LARS1: variants seen among roughly 807,000 people sequenced by gnomAD.
LARS1 encodes leucyl-tRNA synthetase 1, also known as leucine--tRNA ligase, cytoplasmic.
LARS1 carries 100 observed loss-of-function variants against 162.8 expected under a neutral mutation model. The observed-to-expected ratio is 0.61, with a 90% CI of 0.52 to 0.73. The LOEUF is 0.73. Ranked by LOEUF, LARS1 falls within the 30% of genes least tolerant of loss-of-function variation. LARS1 has a pLI of 0.00. For synonymous variants in LARS1, 457 were observed against 462.8 expected, an observed-to-expected ratio of 0.99 and a Z score of 0.16; for missense variants, 1,258 against 1,408.9, an observed-to-expected ratio of 0.89 and a Z score of 1.71.
chr5:146,151,527 TAA>T lies in LARS1; in HGVS notation c.1425+333_1425+334del, dbSNP rs373303900. 2.2e-4 allele frequency among the ~76,000 whole-genome samples: 34 copies of T among 152,294 alleles called. No homozygotes were observed. In the East Asian group the frequency reaches 4.6e-3, roughly 21 times the overall value. On this transcript the variant is annotated intron_variant, in intron 14 of 31. Coordinates refer to ENST00000394434, the MANE Select transcript of LARS1 (RefSeq NM_020117.11). The stretch of plus-strand genomic sequence containing the variant: ...TTATCTAAAATATGAACTCCTTAAC[TAA>T]AAGAGCAAAAGAAGGGACCAGGTAT...
At position 146,138,706 on chromosome 5, in the gene LARS1, G is replaced by T. The variant is rs1199622722; in HGVS notation, c.2148+1498C>A. ...ATCGCATCACTGCATACCACCCTGG[G>T]CAACAGTATGAGACTCTGTCTCAAA... On this transcript the variant is annotated intron_variant, in intron 21 of 31. Transcript: ENST00000394434. 6 of 152,984 alleles carry T rather than the reference G, an allele frequency of 3.9e-5. 1 individual carries two copies. In the Admixed American group the frequency reaches 4.1e-4, roughly 10 times the overall value. 9.5% of individuals were successfully genotyped at this position (152,984 alleles called of 1,614,324 possible).
At position 146,128,979 on chromosome 5, in the gene LARS1, T is replaced by G; in HGVS notation, c.2768A>C (p.Lys923Thr). ...AAAAAAAAAACAAAAAAACTTTACC[T>G]TCCCTTTAGCTGGCATCATATAGTT... ...LKNYMMPAKGKKTDKQPLQKP... is the reference protein window; with the variant it reads ...LKNYMMPAKGTKTDKQPLQKP... Residue 923 changes from lysine to threonine, a missense_variant and splice_region_variant, in exon 26 of 32, where the codon AAG (lysine) becomes ACG (threonine). Transcript: ENST00000394434. 6.3e-7 allele frequency: 1 copy of G among 1,576,724 alleles called. No homozygotes were observed.
chr5:146,152,034 C>T (rs765989666), intron 13 of LARS1, 32 bp from the exon 14 acceptor site: 43 of 1,611,822 alleles, frequency 2.7e-5, no homozygotes, highest in Non-Finnish European at 3.5e-5. Flanking sequence ...AACGTGTTCA[C>T]ACTGACTGGA....
rs563467808 is a variant in LARS1, at chr5:146,156,205, G to C, written c.1065+1198C>G. On this transcript the variant is annotated intron_variant, in intron 10 of 31. Coordinates refer to ENST00000394434, the MANE Select transcript of LARS1 (RefSeq NM_020117.11). ...ACTACCTCTAGAATGGGGAACTTTTGTATCTTTTTGCGTTTTTTGAATTTT... is the reference window on the plus strand; with the variant it reads ...ACTACCTCTAGAATGGGGAACTTTTCTATCTTTTTGCGTTTTTTGAATTTT... Among the ~76,000 whole-genome samples the C allele has an allele frequency of 5.3e-5, 8 of 152,246 alleles. 1 individual carries two copies. The South Asian group carries it at 1.7e-3, about 32-fold the overall frequency.
chr5:146,127,943 AT>A (rs1386922307), intron 27 of LARS1, among the ~76,000 whole-genome samples: 1 of 152,108 alleles, frequency 6.6e-6, no homozygotes, highest in Non-Finnish European at 1.5e-5. Context: ...TCTTCTTTAC[AT>A]TTTGACCACA....
chr5:146,159,223 T>C (rs1232628970), intron 8 of LARS1, among the ~76,000 whole-genome samples, 184 bp downstream of exon 8: 2 of 152,194 alleles, frequency 1.3e-5, no homozygotes, highest in East Asian at 3.8e-4. Flanking sequence ...ACTCTTAGGA[T>C]AGCTAGGTAC....
At chr5:146,132,833 G>T in intron 23 of LARS1, 65 bp downstream of exon 23, 24 of 1,190,882 alleles carry the variant, frequency 2.0e-5, no homozygotes, top group Non-Finnish European at 2.7e-5. Context: ...AAAAGAAAAA[G>T]AAAACAAAAA....
intron 27 of LARS1, 100 bp from the exon 28 acceptor site, chr5:146,126,645 T>A: frequency 1.4e-6 from 1 of 731,740 alleles, no homozygotes. Flanking sequence ...CCTCTATCAA[T>A]CCTTAGAGAA....
intron 31 of LARS1, among the ~76,000 whole-genome samples, chr5:146,117,645 T>A (rs114729841): frequency 1.3e-5 from 2 of 152,136 alleles, no homozygotes; most frequent in Admixed American, 6.6e-5. Context: ...ATCCAGTGGG[T>A]CCACACACAT....
chr5:146,143,165 T>C (rs1752866749), intron 19 of LARS1, 81 bp from the exon 20 acceptor site: 1 of 855,764 alleles, frequency 1.2e-6, no homozygotes, highest in Non-Finnish European at 1.7e-6. Context: ...AATCGAAACA[T>C]GGATTAGGAA....
At chr5:146,180,662 T>G (rs1284822411) in intron 1 of LARS1, among the ~76,000 whole-genome samples, 1 of 152,248 alleles carries the variant, frequency 6.6e-6, no homozygotes, top group African/African-American at 2.4e-5. Flanking sequence ...TTGAGTTTTC[T>G]GTTTCTCAGA....
At chr5:146,133,806 C>T (rs1476853448) in intron 22 of LARS1, among the ~76,000 whole-genome samples, 1 of 151,516 alleles carries the variant, frequency 6.6e-6, no homozygotes, top group Non-Finnish European at 1.5e-5. Context: ...CTTAACAGTT[C>T]ATATTTGTAT....
At position 146,136,942 on chromosome 5, in the gene LARS1, G is replaced by A. The variant is rs114621499; in HGVS notation, c.2149-1278C>T. ...TGAGATGCAGTTTCACTCTTGTCGC[G>A]CAAGGCCTGAGTGCAATGGCACGTT... is the stretch of plus-strand genomic sequence containing the variant. On this transcript the variant is annotated intron_variant, in intron 21 of 31. Coordinates refer to ENST00000394434, the MANE Select transcript of LARS1 (RefSeq NM_020117.11). Among the ~76,000 whole-genome samples the A allele has an allele frequency of 6.0e-3, 915 of 151,904 alleles. 11 individuals are homozygous for A. The highest frequency in any genetic ancestry group is 0.021 in the African/African-American group (877 of 41,380).
At chr5:146,130,837 A>G (rs1752243829) in intron 24 of LARS1, 182 bp downstream of exon 24, 4 of 446,388 alleles carry the variant, frequency 9.0e-6, no homozygotes, top group African/African-American at 4.1e-5. Flanking sequence ...GACACAATAG[A>G]AAAAATACCA....
chr5:146,177,959 G>A (rs1436901671), intron 1 of LARS1, among the ~76,000 whole-genome samples: 5 of 151,908 alleles, frequency 3.3e-5, no homozygotes, highest in African/African-American at 4.8e-5. Context: ...TTAGCTGGGC[G>A]TGGTGGCGGG....
At chr5:146,173,141 A>T (rs1457166422) in intron 2 of LARS1, among the ~76,000 whole-genome samples, 1 of 152,138 alleles carries the variant, frequency 6.6e-6, no homozygotes, top group East Asian at 1.9e-4. Flanking sequence ...TGAGGCCAGG[A>T]GTTCGAGACC....
At chr5:146,150,925 C>A (rs1231305508) in intron 14 of LARS1, among the ~76,000 whole-genome samples, 1 of 135,684 alleles carries the variant, frequency 7.4e-6, no homozygotes, top group Non-Finnish European at 1.5e-5. Context: ...TGAGACAGAG[C>A]AAGACTCCGT....
At chr5:146,169,917 T>A (rs1337426553) in intron 4 of LARS1, among the ~76,000 whole-genome samples, 1 of 152,132 alleles carries the variant, frequency 6.6e-6, no homozygotes, top group Non-Finnish European at 1.5e-5. Context: ...TTAACTTAAT[T>A]TCACTAAATG....
intron 31 of LARS1, among the ~76,000 whole-genome samples, chr5:146,117,839 T>A (rs79658594): frequency 0.017 from 2,533 of 152,330 alleles, 70 homozygotes; most frequent in African/African-American, 0.055. Flanking sequence ...GGAAAAATAT[T>A]GTGTGATTCC....
Sources: allele counts gnomAD v4.1 joint callset (sites outside exome capture counted in the v4.1 genomes callset), GRCh38; gene constraint gnomAD v4.1.1; transcripts MANE v1.5; gene names NCBI Gene and HGNC (gene_info 2026-07-23, HGNC 2026-07-21).